The following MYT1L variants were observed in gnomAD, a reference collection of about 807,000 sequenced individuals.
The protein encoded by MYT1L is myelin transcription factor 1 like.
Under a neutral mutation model 126.7 loss-of-function variants are expected in MYT1L, and 12 were observed. That is an observed-to-expected ratio of 0.09 (90% CI 0.06 to 0.15). The LOEUF is 0.15. Among genes scored for constraint, MYT1L ranks in the 10% least tolerant of loss-of-function variants. MYT1L has a pLI of 1.00. For synonymous variants in MYT1L, 541 were observed against 604.2 expected (o/e 0.90, Z 1.53); for missense variants, 979 against 1,585.2 (o/e 0.62, Z 6.49).
intron 9 of MYT1L, among the ~76,000 whole-genome samples, chr2:1,928,507 G>C (rs1313816516): frequency 6.6e-6 from 1 of 152,146 alleles, no homozygotes; most frequent in Non-Finnish European, 1.5e-5. Flanking sequence ...TCCACTTCCA[G>C]AGCAAGCAGG....
intron 21 of MYT1L, among the ~76,000 whole-genome samples, chr2:1,815,850 C>T (rs1484828135): frequency 6.6e-6 from 1 of 152,230 alleles, no homozygotes; most frequent in Non-Finnish European, 1.5e-5. Flanking sequence ...GCTTTTCCTG[C>T]ATTCAAACCC....
Position 1,943,123 on chromosome 2 carries a change from C to T in MYT1L, c.364G>A (p.Glu122Lys), listed in dbSNP as rs1195801769. ...TCCCGGTCCCCCTCCTCGTCCTCCT[C>T]GTCCTCATCCCCTGGCTCATCATTG... ...EDNDEPGDED[E>K]EDEEGDREEE... Residue 122 changes from glutamate (E) to lysine (K), a missense_variant, in exon 9 of 25, where the codon GAG becomes AAG. Glu to Lys is a moderately conservative substitution (Grantham distance 56). Transcript: ENST00000647738. The surrounding 1 kb of genome is among the most constrained non-coding windows in gnomAD (Gnocchi z 4.4). 1.3e-6 allele frequency: 2 copies of T among 1,512,776 alleles called. No homozygotes were observed. Among genetic ancestry groups the T allele is most frequent in the East Asian group, 2.5e-5 (1 of 40,648 alleles). The allele number at this position is 1,512,776 out of a possible 1,614,324, so 93.7% of individuals were successfully genotyped here. A position where few individuals can be genotyped will look rare whatever the true frequency, so the allele number is the denominator to read the frequency against.
chr2:1,947,556 G>T (rs970894608), intron 8 of MYT1L, among the ~76,000 whole-genome samples: 3 of 152,166 alleles, frequency 2.0e-5, no homozygotes, highest in Non-Finnish European at 4.4e-5. Flanking sequence ...GCTGCCTCCT[G>T]CTCACATGTC....
rs755296706 is a variant in MYT1L, at chr2:1,917,314, C to T, written c.1509G>A (p.Glu503=). 4 of 1,612,814 alleles carry T rather than the reference C, an allele frequency of 2.5e-6. No homozygotes were observed. Among genetic ancestry groups the T allele is most frequent in the Non-Finnish European group, 3.4e-6 (4 of 1,179,004 alleles). The change falls in exon 11 of 25, where the codon GAG becomes GAA. Residue 503 remains glutamate (E), a synonymous_variant. Transcript: ENST00000647738. The surrounding 1 kb of genome is among the most constrained non-coding windows in gnomAD (Gnocchi z 5.9). ...CACACCCGGGGGTTGGACACTTGCT[C>T]TCTTTCTTTTCTGTTCTTGAGGGAT... ...GKDPSRTEKK[E]SKCPTPGCDG... is the part of the protein sequence containing the mutation.
chr2:2,257,764 C>T (rs546378572), intron 2 of MYT1L, among the ~76,000 whole-genome samples: 3 of 150,902 alleles, frequency 2.0e-5, no homozygotes, highest in Admixed American at 1.3e-4. Context: ...AATGGAAGAA[C>T]ATTCCATGCT....
intron 1 of MYT1L, among the ~76,000 whole-genome samples, chr2:2,317,981 G>A (rs903052808): frequency 4.6e-5 from 7 of 152,158 alleles, no homozygotes; most frequent in South Asian, 2.1e-4. Context: ...AAAGAGACTC[G>A]ATCTTGTAGG....
chr2:1,987,817 C>T (rs1473287663), intron 5 of MYT1L, among the ~76,000 whole-genome samples: 1 of 152,160 alleles, frequency 6.6e-6, no homozygotes, highest in African/African-American at 2.4e-5. Flanking sequence ...AGTGACATTC[C>T]CATGCTGGGC....
chr2:1,940,088 G>T (rs897687468), intron 9 of MYT1L, among the ~76,000 whole-genome samples: 1 of 152,258 alleles, frequency 6.6e-6, no homozygotes, highest in African/African-American at 2.4e-5. Context: ...GGATTCTCAT[G>T]AGAGGCTCTC....
At chr2:1,933,526 G>C (rs763303405) in intron 9 of MYT1L, among the ~76,000 whole-genome samples, 3 of 152,214 alleles carry the variant, frequency 2.0e-5, no homozygotes, top group Non-Finnish European at 2.9e-5. Context: ...AAAGAAAGAG[G>C]AACCCAGTGG....
Position 2,237,638 on chromosome 2 carries a change from G to T in MYT1L, c.-421+46766C>A, listed in dbSNP as rs951812480. Reference sequence around the variant, plus strand: ...GAGGAAGCCTCCCTTCAGAATGCCAGGGATGCCTCGCCTGGAGCACTCAGT... The same window carrying T: ...GAGGAAGCCTCCCTTCAGAATGCCATGGATGCCTCGCCTGGAGCACTCAGT... On this transcript the variant is annotated intron_variant, in intron 2 of 24. Transcript: ENST00000647738. Among the ~76,000 whole-genome samples the T allele has an allele frequency of 2.0e-5, 3 of 152,300 alleles. No individual in the cohort carries two copies. The East Asian group carries it at 5.8e-4, about 29-fold the overall frequency.
At chr2:2,295,471 T>C (rs2095656782) in intron 1 of MYT1L, among the ~76,000 whole-genome samples, 1 of 149,370 alleles carries the variant, frequency 6.7e-6, no homozygotes, top group South Asian at 2.1e-4. Flanking sequence ...TTATGGGAGA[T>C]GGAAAACCAA....
At chr2:2,265,868 G>A (rs1032838822) in intron 2 of MYT1L, among the ~76,000 whole-genome samples, 2 of 152,202 alleles carry the variant, frequency 1.3e-5, no homozygotes, top group Non-Finnish European at 1.5e-5. Context: ...GGGGCCCTAA[G>A]GAGGCATGGA....
chr2:2,123,877 C>CTAAT (rs1480534085), intron 3 of MYT1L, among the ~76,000 whole-genome samples: 1 of 152,128 alleles, frequency 6.6e-6, no homozygotes, highest in Admixed American at 6.5e-5. Context: ...TGAAAGCAGA[C>CTAAT]ATTAGCATGT....
intron 1 of MYT1L, among the ~76,000 whole-genome samples, chr2:2,299,648 T>C (rs754424041): frequency 4.6e-5 from 7 of 152,236 alleles, no homozygotes; most frequent in Non-Finnish European, 8.8e-5. Context: ...CAATCACAAG[T>C]ATTCAGGACA....
intron 8 of MYT1L, among the ~76,000 whole-genome samples, chr2:1,970,318 C>T (rs549166189): frequency 1.1e-3 from 167 of 152,332 alleles, no homozygotes; most frequent in African/African-American, 3.8e-3. Context: ...AACCTGGCTA[C>T]TCCAGAAGTA....
chr2:2,295,537 TAGAGAGAGAGAGAGAGAGACAGACAGAC>T lies in MYT1L; in HGVS notation c.-520-11062_-520-11035del, dbSNP rs1559582657. Among the ~76,000 whole-genome samples, 3 of 32,508 alleles carry T rather than the reference TAGAGAGAGAGAGAGAGAGACAGACAGAC, an allele frequency of 9.2e-5. 1 individual carries two copies. The highest frequency in any genetic ancestry group is 1.5e-3 in the East Asian group (2 of 1,366). 21.3% of individuals were successfully genotyped at this position (32,508 alleles called of 152,430 possible). On this transcript the variant is annotated intron_variant, in intron 1 of 24. Coordinates refer to ENST00000647738, the MANE Select transcript of MYT1L (RefSeq NM_001303052.2). ...GGGGCAGAGGAGGTGCAGAGAAAGATAGAGAGAGAGAGAGAGAGACAGACAGACAGAGAGAGAGAGAGAGAGACAGACA... is the reference window on the plus strand; with the variant it reads ...GGGGCAGAGGAGGTGCAGAGAAAGATAGAGAGAGAGAGAGAGAGACAGACA...
At chr2:2,269,072 G>C (rs960438796) in intron 2 of MYT1L, among the ~76,000 whole-genome samples, 1 of 152,130 alleles carries the variant, frequency 6.6e-6, no homozygotes, top group African/African-American at 2.4e-5. Context: ...TGTGTGTGGG[G>C]TGCACCCAGG....
chr2:2,050,391 T>C (rs2068696481), intron 4 of MYT1L, among the ~76,000 whole-genome samples: 1 of 152,168 alleles, frequency 6.6e-6, no homozygotes, highest in African/African-American at 2.4e-5. Context: ...ATGTAGTTTT[T>C]CGGGAAACAG....
chr2:1,876,776 A>G (rs1573123112), intron 18 of MYT1L, among the ~76,000 whole-genome samples: 1 of 152,210 alleles, frequency 6.6e-6, no homozygotes, highest in Admixed American at 6.5e-5. Flanking sequence ...AGTCCTGCCA[A>G]GACCAGTGAC....
Sources: allele counts gnomAD v4.1 joint callset (sites outside exome capture counted in the v4.1 genomes callset), GRCh38; gene constraint gnomAD v4.1.1; non-coding constraint Gnocchi (gnomAD v3.1); transcripts MANE v1.5; gene names NCBI Gene and HGNC (gene_info 2026-07-23, HGNC 2026-07-21).